USO1: variants seen among roughly 807,000 people sequenced by gnomAD.
USO1 encodes USO1 vesicle transport factor, also known as general vesicular transport factor p115.
A neutral mutation model predicts 124.5 loss-of-function variants in USO1; 57 were observed. That is an observed-to-expected ratio of 0.46 (90% CI 0.37 to 0.57). The LOEUF is 0.57. Ranked by LOEUF, USO1 falls within the 20% of genes least tolerant of loss-of-function variation. USO1 has a pLI of 0.00. For missense variants in USO1, 900 were observed against 1,040.6 expected (o/e 0.86, Z 1.86); for synonymous variants, 369 against 362.8 (o/e 1.02, Z -0.19).
rs746205163 is a variant in USO1, at chr4:75,782,848, T to C, written c.845T>C (p.Leu282Pro). The C allele has an allele frequency of 6.3e-7, 1 of 1,593,476 alleles. No homozygotes were observed. Among genetic ancestry groups the C allele is most frequent in the South Asian group, 1.2e-5 (1 of 86,720 alleles). ...GCACAGAAAGTGACCAATCTACATCTAATGCTACAGGTATACTATCCTTAG... is the reference window on the plus strand; with the variant it reads ...GCACAGAAAGTGACCAATCTACATCCAATGCTACAGGTATACTATCCTTAG... ...WSAQKVTNLH[L>P]MLQLVRVLVS... is the part of the protein sequence containing the mutation. The change falls in exon 9 of 24, where the codon CTA becomes CCA. Residue 282 changes from leucine (L) to proline (P), a missense_variant. By Grantham distance (98) the Leu-to-Pro change is moderately conservative (BLOSUM62 -3). Coordinates refer to ENST00000514213, the MANE Select transcript of USO1 (RefSeq NM_003715.4).
intron 1 of USO1, among the ~76,000 whole-genome samples, chr4:75,749,561 C>A (rs764227490): frequency 3.1e-4 from 47 of 151,220 alleles, no homozygotes; most frequent in Non-Finnish European, 1.3e-4. Flanking sequence ...ACCATCATAC[C>A]TAGCTAATTT....
intron 13 of USO1, among the ~76,000 whole-genome samples, 181 bp from the exon 14 acceptor site, chr4:75,799,441 T>C (rs1484178772): frequency 2.0e-5 from 3 of 152,238 alleles, no homozygotes; most frequent in Non-Finnish European, 2.9e-5. Flanking sequence ...TTTTAGGAAG[T>C]GCAGCCTGTG....
At chr4:75,773,746 T>G (rs1721997984) in intron 7 of USO1, among the ~76,000 whole-genome samples, 1 of 152,180 alleles carries the variant, frequency 6.6e-6, no homozygotes, top group Non-Finnish European at 1.5e-5. Flanking sequence ...ATATTAATGT[T>G]GAAAGTTGAC....
At chr4:75,801,615 T>A (rs915873028) in intron 17 of USO1, among the ~76,000 whole-genome samples, 1 of 152,202 alleles carries the variant, frequency 6.6e-6, no homozygotes, top group Non-Finnish European at 1.5e-5. Context: ...TTATTAATGT[T>A]GTTAAAATTC....
chr4:75,728,194 A>G (rs1161493428), intron 1 of USO1, among the ~76,000 whole-genome samples: 2 of 151,840 alleles, frequency 1.3e-5, no homozygotes, highest in East Asian at 1.9e-4. Context: ...TTTCATATTT[A>G]CTAAATGCTT....
intron 1 of USO1, among the ~76,000 whole-genome samples, chr4:75,732,611 G>A (rs1191352096): frequency 6.6e-6 from 1 of 152,158 alleles, no homozygotes; most frequent in Non-Finnish European, 1.5e-5. Context: ...GGACGCAGTG[G>A]CTCAAGCCTG....
In USO1 at chr4:75,813,846, G is replaced by A. The variant is rs1479342547; in HGVS notation, c.*551G>A. The A allele has an allele frequency of 2.0e-5, 3 of 152,228 alleles. No individual in the cohort carries two copies. The highest frequency in any genetic ancestry group is 2.9e-5 in the Non-Finnish European group (2 of 68,062). 9.4% of individuals were successfully genotyped at this position (152,228 alleles called of 1,614,324 possible). On this transcript the variant is annotated 3_prime_UTR_variant, in exon 24 of 24. Transcript: ENST00000514213. ...TAGGACAGCTTAGAATGAGTGCCTT[G>A]ACACCTACATATGGCTGCATTCCAT...
At position 75,724,787 on chromosome 4, in the gene USO1, A is replaced by G. The variant is rs1478146621; in HGVS notation, c.-33A>G. 1.9e-6 allele frequency: 3 copies of G among 1,610,286 alleles called. No individual in the cohort carries two copies. The African/African-American group carries it at 4.0e-5, about 22-fold the overall frequency. On this transcript the variant is annotated 5_prime_UTR_variant, in exon 1 of 24. Coordinates refer to ENST00000514213, the MANE Select transcript of USO1 (RefSeq NM_003715.4). Reference sequence around the variant, plus strand: ...GGAAGTTGTCTTCTTTTTTTTCCGGAGGGGCCGGTAAACCTGGTGGCTGAA... The same window carrying G: ...GGAAGTTGTCTTCTTTTTTTTCCGGGGGGGCCGGTAAACCTGGTGGCTGAA...
chr4:75,782,774 A>T lies in USO1; in HGVS notation c.771A>T (p.Gln257His). 1 of 1,599,032 alleles carries T rather than the reference A, an allele frequency of 6.3e-7. No homozygotes were observed. The highest frequency in any genetic ancestry group is 2.2e-5 in the East Asian group (1 of 44,636). Residue 257 changes from glutamine to histidine, a missense_variant, in exon 9 of 24, where the codon CAA becomes CAT. This residue lies in a region of USO1 where 538 missense variants were observed against 681.6 expected (regional missense o/e 0.79). Coordinates refer to ENST00000514213, the MANE Select transcript of USO1 (RefSeq NM_003715.4). ...QNFFKEGSYI[Q>H]RMKPWFEVGD... is the part of the protein sequence containing the mutation. Reference sequence around the variant, plus strand: ...TTTTTAAAGAAGGCTCATATATTCAACGTATGAAACCTTGGTTTGAAGTTG... The same window carrying T: ...TTTTTAAAGAAGGCTCATATATTCATCGTATGAAACCTTGGTTTGAAGTTG...
intron 1 of USO1, 185 bp downstream of exon 1, chr4:75,725,070 TC>T: frequency 1.5e-6 from 1 of 662,880 alleles, no homozygotes; most frequent in Non-Finnish European, 2.6e-6. Flanking sequence ...CCCAGCTCAG[TC>T]CCCATTGCTG....
intron 6 of USO1, 42 bp downstream of exon 6, chr4:75,770,966 G>A: frequency 1.2e-6 from 2 of 1,600,304 alleles, no homozygotes; most frequent in Non-Finnish European, 8.5e-7. Flanking sequence ...ATTCAAGCAT[G>A]AGTATCATTT....
At chr4:75,729,349 G>A (rs1720561725) in intron 1 of USO1, among the ~76,000 whole-genome samples, 2 of 151,164 alleles carry the variant, frequency 1.3e-5, no homozygotes, top group South Asian at 4.2e-4. Flanking sequence ...TTTTTGGGTA[G>A]GGGGGTGGGG....
At chr4:75,747,251 G>A (rs952980266) in intron 1 of USO1, among the ~76,000 whole-genome samples, 1 of 152,130 alleles carries the variant, frequency 6.6e-6, no homozygotes, top group Non-Finnish European at 1.5e-5. Context: ...GTCTAATGGT[G>A]CTAGGTAAAT....
At chr4:75,742,331 G>A (rs1334871392) in intron 1 of USO1, among the ~76,000 whole-genome samples, 4 of 152,290 alleles carry the variant, frequency 2.6e-5, no homozygotes, top group African/African-American at 7.2e-5. Context: ...CTAGGACATC[G>A]GTAGGTGATA....
At chr4:75,752,628 T>C in intron 3 of USO1, 24 bp downstream of exon 3, 1 of 398,518 alleles carries the variant, frequency 2.5e-6, no homozygotes, top group Non-Finnish European at 4.4e-6. Context: ...TAATGATTTT[T>C]TTCCCTAATT....
At chr4:75,752,687 C>T in intron 3 of USO1, 83 bp downstream of exon 3, 1 of 390,492 alleles carries the variant, frequency 2.6e-6, no homozygotes, top group Non-Finnish European at 4.5e-6. Context: ...CAAAAGATTG[C>T]TTTTTTTTTG....
At chr4:75,747,953 G>A (rs1285051047) in intron 1 of USO1, among the ~76,000 whole-genome samples, 2 of 135,366 alleles carry the variant, frequency 1.5e-5, no homozygotes, top group Non-Finnish European at 3.1e-5. Context: ...TGTTGCCCAG[G>A]CTAGAGTGCA....
intron 19 of USO1, 117 bp from the exon 20 acceptor site, chr4:75,806,365 AGGTT>A: frequency 8.3e-7 from 1 of 1,206,150 alleles, no homozygotes; most frequent in Non-Finnish European, 1.1e-6. Flanking sequence ...AAAAATTAAA[AGGTT>A]GGTGTGAATT....
chr4:75,794,669 C>T (rs1722630812), intron 13 of USO1, among the ~76,000 whole-genome samples: 1 of 152,206 alleles, frequency 6.6e-6, no homozygotes, highest in Non-Finnish European at 1.5e-5. Flanking sequence ...ACTGCTCTAG[C>T]AGTAGTTATC....
Sources: allele counts gnomAD v4.1 joint callset (sites outside exome capture counted in the v4.1 genomes callset), GRCh38; gene constraint gnomAD v4.1.1; regional missense constraint gnomAD v4.1.1; transcripts MANE v1.5; gene names NCBI Gene and HGNC (gene_info 2026-07-23, HGNC 2026-07-21).